MACROH2A1: variants seen among roughly 807,000 people sequenced by gnomAD.
MACROH2A1 encodes macroH2A.1 histone, also known as core histone macro-H2A.1.
Under a neutral mutation model 31.6 loss-of-function variants are expected in MACROH2A1, and 2 were observed. The ratio of observed to expected loss-of-function variants is 0.06; its 90% CI spans 0.03 to 0.20. The LOEUF (loss-of-function observed/expected upper bound fraction) is 0.20. Ranked by LOEUF, MACROH2A1 falls within the 10% of genes least tolerant of loss-of-function variation. The pLI, the probability that MACROH2A1 is intolerant of heterozygous loss-of-function variation, is 1.00. For synonymous variants in MACROH2A1, 169 were observed against 189.6 expected, an observed-to-expected ratio of 0.89 and a Z score of 0.89; for missense variants, 230 against 474.0, an observed-to-expected ratio of 0.49 and a Z score of 4.78.
intron 8 of MACROH2A1, chr5:135,338,032 T>C: frequency 8.7e-7 from 1 of 1,146,256 alleles, no homozygotes; most frequent in Admixed American, 3.8e-5. Flanking sequence ...TTTCCTAACG[T>C]TTTCTGGTGG....
chr5:135,386,359 G>A (rs930476343), intron 2 of MACROH2A1, among the ~76,000 whole-genome samples: 4 of 152,220 alleles, frequency 2.6e-5, no homozygotes, highest in African/African-American at 9.7e-5. Flanking sequence ...CATGTTAGGG[G>A]CAGGCATGGT....
rs553294271 is a variant in MACROH2A1 at position 135,386,766 on chromosome 5, A to G, written c.172+2156T>C. Among the ~76,000 whole-genome samples the G allele has an allele frequency of 2.0e-5, 3 of 152,342 alleles. No individual in the cohort carries two copies. In the South Asian group the frequency reaches 6.2e-4, roughly 32 times the overall value. ...CAGATTTCTATGCAGCACCGGTAGT[A>G]GTTGCCTGAGATATGACAAAGCAAT... On this transcript the variant is annotated intron_variant, in intron 2 of 8. Transcript: ENST00000511689.
At chr5:135,375,645 G>C (rs1046734813) in intron 2 of MACROH2A1, among the ~76,000 whole-genome samples, 4 of 152,166 alleles carry the variant, frequency 2.6e-5, no homozygotes, top group African/African-American at 9.7e-5. Flanking sequence ...AGAGTCAGGG[G>C]CTTTAACGGA....
intron 2 of MACROH2A1, among the ~76,000 whole-genome samples, chr5:135,387,480 G>C (rs1766575689): frequency 6.6e-6 from 1 of 152,142 alleles, no homozygotes; most frequent in Non-Finnish European, 1.5e-5. Context: ...CCGCTGCCTG[G>C]TTGTATCGCT....
chr5:135,339,568 A>G (rs1188677529), intron 8 of MACROH2A1, among the ~76,000 whole-genome samples: 2 of 152,180 alleles, frequency 1.3e-5, no homozygotes. Flanking sequence ...CGAGCTTGCA[A>G]TTGACGGCTG....
At chr5:135,397,919 C>T (rs1161492668) in intron 1 of MACROH2A1, among the ~76,000 whole-genome samples, 3 of 152,156 alleles carry the variant, frequency 2.0e-5, no homozygotes, top group Non-Finnish European at 4.4e-5. Context: ...TTACCCCCTA[C>T]TTTAACGGTA....
At chr5:135,391,893 C>G (rs1340415230) in intron 1 of MACROH2A1, among the ~76,000 whole-genome samples, 1 of 152,200 alleles carries the variant, frequency 6.6e-6, no homozygotes, top group African/African-American at 2.4e-5. Flanking sequence ...CATCCATGGA[C>G]ACCAGAAGCA....
chr5:135,380,395 G>A (rs1765502823), intron 2 of MACROH2A1, among the ~76,000 whole-genome samples: 1 of 152,128 alleles, frequency 6.6e-6, no homozygotes, highest in African/African-American at 2.4e-5. Flanking sequence ...CATTCCAAAC[G>A]AATTACTAAA....
intron 2 of MACROH2A1, among the ~76,000 whole-genome samples, chr5:135,385,907 T>C (rs1020488225): frequency 4.6e-5 from 7 of 152,174 alleles, no homozygotes; most frequent in African/African-American, 1.7e-4. Flanking sequence ...CACTCTGCCC[T>C]GATCACTCCT....
intron 4 of MACROH2A1, among the ~76,000 whole-genome samples, chr5:135,365,194 T>C (rs1227452214): frequency 6.6e-6 from 1 of 152,212 alleles, no homozygotes; most frequent in African/African-American, 2.4e-5. Flanking sequence ...GGAATCTTTA[T>C]CTTGAGTAAG....
rs114939588 is a variant in MACROH2A1 at position 135,392,958 on chromosome 5, A to G, written c.-33-3832T>C. ...ATACTCACTCACTGGGCAAGTTCTC[A>G]GTAGTTAACAAAAACAATAATGTGA... On this transcript the variant is annotated intron_variant, in intron 1 of 8. Transcript: ENST00000511689. Among the ~76,000 whole-genome samples, 366 of 152,342 alleles carry G rather than the reference A, an allele frequency of 2.4e-3. 2 individuals are homozygous for G. Among genetic ancestry groups the G allele is most frequent in the African/African-American group, 8.6e-3 (357 of 41,568 alleles).
rs1224352416 is a variant in MACROH2A1, at chr5:135,369,698, T to G, written c.280-95A>C. 2.0e-5 allele frequency: 20 copies of G among 977,224 alleles called. No individual in the cohort carries two copies. The highest frequency in any genetic ancestry group is 3.2e-5 in the Non-Finnish European group (20 of 624,922). The allele number at this position is 977,224 out of a possible 1,614,324, so 60.5% of individuals were successfully genotyped here. A position where few individuals can be genotyped will look rare whatever the true frequency, so the allele number is the denominator to read the frequency against. ...TGCCCAGGACAGTCTTGCTTTGGGT[T>G]GGTGCAGCTCCTTCCTCCATGGCAT... On this transcript the variant is annotated intron_variant, in intron 3 of 8. Coordinates refer to ENST00000511689, the MANE Select transcript of MACROH2A1 (RefSeq NM_138610.3). This position sits in a 1 kb window ranked among gnomAD's most constrained non-coding sequence, Gnocchi z 4.3.
chr5:135,373,831 G>A (rs1389905585), intron 2 of MACROH2A1, among the ~76,000 whole-genome samples: 1 of 152,194 alleles, frequency 6.6e-6, no homozygotes, highest in Non-Finnish European at 1.5e-5. Flanking sequence ...AGGGAGGAGG[G>A]AGCTGTGTCA....
intron 5 of MACROH2A1, chr5:135,360,071 C>G (rs1762634536): frequency 1.8e-5 from 5 of 271,294 alleles, no homozygotes; most frequent in Admixed American, 1.5e-4. Context: ...AGCCCTGAAT[C>G]AGACCTGAGG....
intron 1 of MACROH2A1, among the ~76,000 whole-genome samples, chr5:135,389,673 G>C (rs186930546): frequency 6.1e-4 from 93 of 152,220 alleles, no homozygotes; most frequent in African/African-American, 1.8e-3. Flanking sequence ...CCACCAGATG[G>C]GCCAATCTTT....
chr5:135,353,744 G>C (rs1473315711), intron 5 of MACROH2A1: 1 of 152,136 alleles, frequency 6.6e-6, no homozygotes, highest in Non-Finnish European at 1.5e-5. Context: ...AGACTCAATG[G>C]GTGGCTTATT....
chr5:135,360,441 T>C (rs979409987), intron 5 of MACROH2A1, 56 bp downstream of exon 5: 44 of 1,130,380 alleles, frequency 3.9e-5, no homozygotes, highest in Non-Finnish European at 5.5e-5. Context: ...GGAAGTAGCC[T>C]GTGCCCACCT....
At chr5:135,360,429 G>A in intron 5 of MACROH2A1, 68 bp downstream of exon 5, 1 of 1,035,454 alleles carries the variant, frequency 9.7e-7, no homozygotes, top group Admixed American at 1.7e-5. Context: ...CAGCCTTCCA[G>A]TGGAAGTAGC....
chr5:135,353,503 A>G (rs1490205994), intron 5 of MACROH2A1: 3 of 162,052 alleles, frequency 1.9e-5, no homozygotes, highest in African/African-American at 4.8e-5. Context: ...TTGTCTTCCA[A>G]GTGACTATGG....
Sources: allele counts gnomAD v4.1 joint callset (sites outside exome capture counted in the v4.1 genomes callset), GRCh38; gene constraint gnomAD v4.1.1; non-coding constraint Gnocchi (gnomAD v3.1); transcripts MANE v1.5; gene names NCBI Gene and HGNC (gene_info 2026-07-23, HGNC 2026-07-21).